The following PRPF38B variants were observed in gnomAD, a reference collection of about 807,000 sequenced individuals.
The protein encoded by PRPF38B is pre-mRNA-splicing factor 38B.
PRPF38B carries 18 observed loss-of-function variants against 67.2 expected under a neutral mutation model. The ratio of observed to expected loss-of-function variants is 0.27; its 90% CI spans 0.19 to 0.40. PRPF38B has a LOEUF of 0.40. PRPF38B is among the 10% of genes least tolerant of loss of function. The pLI is 1.00. For missense variants in PRPF38B, 544 were observed against 684.9 expected (o/e 0.79, Z 2.30); for synonymous variants, 246 against 234.2 (o/e 1.05, Z -0.46).
rs1026263374 is a variant in PRPF38B, at chr1:108,699,941, A to G, written c.1562A>G (p.Lys521Arg). 27 of 1,613,928 alleles carry G rather than the reference A, an allele frequency of 1.7e-5. No homozygotes were observed. Among genetic ancestry groups the G allele is most frequent in the Middle Eastern group, 1.6e-4 (1 of 6,082 alleles). Residue 521 changes from lysine (K) to arginine (R), a missense_variant, in exon 6 of 6, where the codon AAA (lysine) becomes AGA (arginine). Around this residue, in one of 5 missense-constraint regions of PRPF38B, gnomAD observed 387 missense variants for 386.1 expected, o/e 1.00. Coordinates refer to ENST00000370025, the MANE Select transcript of PRPF38B (RefSeq NM_018061.4). ...AGTGATAGTAAGGACCAGTCAGACAAACATGATCGTCGAAGGAGCCAAAGT... is the reference window on the plus strand; with the variant it reads ...AGTGATAGTAAGGACCAGTCAGACAGACATGATCGTCGAAGGAGCCAAAGT... ...DHSDSKDQSD[K>R]HDRRRSQSIE...
intron 4 of PRPF38B, chr1:108,697,925 T>C (rs1660060046): frequency 6.6e-6 from 1 of 152,220 alleles, no homozygotes; most frequent in African/African-American, 2.4e-5. Context: ...AATCTCACTT[T>C]CCTTGTGTGC....
At position 108,702,599 on chromosome 1, in the gene PRPF38B, A is replaced by G. The variant is rs1660621549; in HGVS notation, c.*2579A>G. On this transcript the variant is annotated 3_prime_UTR_variant, in exon 6 of 6. Transcript: ENST00000370025. ...CATCTCACATTTCTTGAAACATGAGAACATTTGGACACGAACATCACACGC... is the reference window on the plus strand; with the variant it reads ...CATCTCACATTTCTTGAAACATGAGGACATTTGGACACGAACATCACACGC... 6.6e-6 allele frequency among the ~76,000 whole-genome samples: 1 copy of G among 152,088 alleles called. No homozygotes were observed. The highest frequency in any genetic ancestry group is 1.5e-5 in the Non-Finnish European group (1 of 68,018).
rs1659828333 is a variant in PRPF38B at position 108,695,984 on chromosome 1, T to C, written c.346-59T>C. ...ATTGATACCTAACAGGATTAATCAA[T>C]TGGTGTTAAGAGTCCGTTAATTATT... is the stretch of plus-strand genomic sequence containing the variant. On this transcript the variant is annotated intron_variant, in intron 2 of 5. Transcript: ENST00000370025. 2.6e-6 allele frequency: 4 copies of C among 1,529,558 alleles called. No individual in the cohort carries two copies. In the South Asian group the frequency reaches 4.8e-5, roughly 18 times the overall value. 94.7% of individuals were successfully genotyped at this position (1,529,558 alleles called of 1,614,324 possible). A position where few individuals can be genotyped will look rare whatever the true frequency, so the allele number is the denominator to read the frequency against.
rs1169809951 is a variant in PRPF38B, at chr1:108,698,600, G to T, written c.559-4G>T. 6.3e-6 allele frequency: 10 copies of T among 1,591,880 alleles called. No individual in the cohort carries two copies. The highest frequency in any genetic ancestry group is 8.6e-6 in the Non-Finnish European group (10 of 1,162,602). On this transcript the variant is annotated splice_region_variant and splice_polypyrimidine_tract_variant and intron_variant, in intron 4 of 5. Coordinates refer to ENST00000370025, the MANE Select transcript of PRPF38B (RefSeq NM_018061.4). Reference sequence around the variant, plus strand: ...CGGCTAGGGTATCTTTTGTGTTTCTGTAGGACCTAGATGTGAAGGCTGGTG... The same window carrying T: ...CGGCTAGGGTATCTTTTGTGTTTCTTTAGGACCTAGATGTGAAGGCTGGTG...
rs778315230 is a variant in PRPF38B at position 108,700,047 on chromosome 1, T to A, written c.*27T>A. On this transcript the variant is annotated 3_prime_UTR_variant, in exon 6 of 6. Coordinates refer to ENST00000370025, the MANE Select transcript of PRPF38B (RefSeq NM_018061.4). The stretch of plus-strand genomic sequence containing the variant: ...AATATTTTGTAAAAGTGGATCACAT[T>A]GAATCCTATAAATGATTAAATCTGC... 6.4e-7 allele frequency: 1 copy of A among 1,561,748 alleles called. No homozygotes were observed. The highest frequency in any genetic ancestry group is 8.6e-7 in the Non-Finnish European group (1 of 1,160,160).
At position 108,701,241 on chromosome 1, in the gene PRPF38B, T is replaced by C. The variant is rs763034568; in HGVS notation, c.*1221T>C. The C allele has an allele frequency of 3.9e-5, 6 of 152,628 alleles. No individual in the cohort carries two copies. Among genetic ancestry groups the C allele is most frequent in the Admixed American group, 2.0e-4 (3 of 15,284 alleles). The allele number at this position is 152,628 out of a possible 1,614,324, so 9.5% of individuals were successfully genotyped here. A position where few individuals can be genotyped will look rare whatever the true frequency, so the allele number is the denominator to read the frequency against. ...AAATTTTTTTAGCATATTTATATTG[T>C]GGAAATTGATGAAACGTCAGTAGAG... On this transcript the variant is annotated 3_prime_UTR_variant, in exon 6 of 6. Transcript: ENST00000370025.
Position 108,695,786 on chromosome 1 carries a change from T to C in PRPF38B, c.345+16T>C. The C allele has an allele frequency of 6.2e-7, 1 of 1,611,366 alleles. No homozygotes were observed. The highest frequency in any genetic ancestry group is 8.5e-7 in the Non-Finnish European group (1 of 1,178,426). ...GTGCGGAGGGGTAAGTAGAAGTACGTGCATTTTTCAGTTTTTCTGTGTCTA... is the reference window on the plus strand; with the variant it reads ...GTGCGGAGGGGTAAGTAGAAGTACGCGCATTTTTCAGTTTTTCTGTGTCTA... On this transcript the variant is annotated intron_variant, in intron 2 of 5. Transcript: ENST00000370025.
chr1:108,698,435 T>C lies in PRPF38B; in HGVS notation c.559-169T>C, dbSNP rs573055753. ...TTTGTTCTCACTTGCATGCACACAC[T>C]AAGCCCAAATATTTCTGTTCATTCA... On this transcript the variant is annotated intron_variant, in intron 4 of 5. Coordinates refer to ENST00000370025, the MANE Select transcript of PRPF38B (RefSeq NM_018061.4). 3.0e-5 allele frequency: 18 copies of C among 590,544 alleles called. No individual in the cohort carries two copies. In the East Asian group the frequency reaches 5.1e-4, roughly 17 times the overall value. The allele number at this position is 590,544 out of a possible 1,614,324, so 36.6% of individuals were successfully genotyped here.
intron 1 of PRPF38B, among the ~76,000 whole-genome samples, chr1:108,695,150 C>G (rs958804684): frequency 5.3e-5 from 8 of 151,992 alleles, no homozygotes; most frequent in African/African-American, 1.9e-4. Context: ...ACAAGTAACT[C>G]GTTACTGTTT....
rs1397011201 is a variant in PRPF38B, at chr1:108,692,401, T to C, written c.-191T>C. Reference sequence around the variant, plus strand: ...GGAGTTCTCGCGGTCTGGGTTTCGCTGTCTGCTCTTGGCCCGGGGTCATTT... The same window carrying C: ...GGAGTTCTCGCGGTCTGGGTTTCGCCGTCTGCTCTTGGCCCGGGGTCATTT... On this transcript the variant is annotated 5_prime_UTR_variant, in exon 1 of 6. Coordinates refer to ENST00000370025, the MANE Select transcript of PRPF38B (RefSeq NM_018061.4). 7 of 645,398 alleles carry C rather than the reference T, an allele frequency of 1.1e-5. 1 individual carries two copies. Among genetic ancestry groups the C allele is most frequent in the Non-Finnish European group, 1.6e-5 (6 of 384,830 alleles). The allele number at this position is 645,398 out of a possible 1,614,324, so 40.0% of individuals were successfully genotyped here. A position where few individuals can be genotyped will look rare whatever the true frequency, so the allele number is the denominator to read the frequency against.
rs754544028 is a variant in PRPF38B at position 108,696,035 on chromosome 1, C to G, written c.346-8C>G. 7 of 1,610,980 alleles carry G rather than the reference C, an allele frequency of 4.3e-6. No individual in the cohort carries two copies. In the South Asian group the frequency reaches 6.6e-5, roughly 15 times the overall value. On this transcript the variant is annotated splice_polypyrimidine_tract_variant and splice_region_variant and intron_variant, in intron 2 of 5. Coordinates refer to ENST00000370025, the MANE Select transcript of PRPF38B (RefSeq NM_018061.4). ...TTACTACTTTTTCTTAACTCGTTTC[C>G]CCTAAAGGTTCGAGGTGTTGGAACA... is the stretch of plus-strand genomic sequence containing the variant.
At position 108,695,781 on chromosome 1, in the gene PRPF38B, G is replaced by A. The variant is rs1196629811; in HGVS notation, c.345+11G>A. The A allele has an allele frequency of 6.2e-7, 1 of 1,612,300 alleles. No individual in the cohort carries two copies. The highest frequency in any genetic ancestry group is 8.5e-7 in the Non-Finnish European group (1 of 1,179,034). ...GGGATGTGCGGAGGGGTAAGTAGAAGTACGTGCATTTTTCAGTTTTTCTGT... is the reference window on the plus strand; with the variant it reads ...GGGATGTGCGGAGGGGTAAGTAGAAATACGTGCATTTTTCAGTTTTTCTGT... On this transcript the variant is annotated intron_variant, in intron 2 of 5. Transcript: ENST00000370025.
At chr1:108,699,048 A>G (rs1024974573) in intron 5 of PRPF38B, 114 bp from the exon 6 acceptor site, 3 of 1,507,492 alleles carry the variant, frequency 2.0e-6, no homozygotes, top group Admixed American at 2.3e-5. Context: ...ATGATTCTTG[A>G]CATGGCCTTA....
chr1:108,693,702 C>A (rs1254051559), intron 1 of PRPF38B: 9 of 906,912 alleles, frequency 9.9e-6, no homozygotes, highest in Non-Finnish European at 1.1e-5. Context: ...AAATGAACGA[C>A]TAATTAGATT....
chr1:108,693,011 G>A (rs1659476509), intron 1 of PRPF38B, 144 bp downstream of exon 1: 1 of 1,068,284 alleles, frequency 9.4e-7, no homozygotes, highest in Non-Finnish European at 1.3e-6. Flanking sequence ...CCTGTAGTGT[G>A]TCTGGGAGGG....
rs373142207 is a variant in PRPF38B, at chr1:108,699,227, G to A, written c.848G>A (p.Arg283Gln). ...PRRSRSRSHH[R>Q]EGHGSSSFDR... Reference sequence around the variant, plus strand: ...AGGTCAAGAAGTAGAAGTCATCATCGGGAGGGCCATGGGTCTTCTAGTTTT... The same window carrying A: ...AGGTCAAGAAGTAGAAGTCATCATCAGGAGGGCCATGGGTCTTCTAGTTTT... Residue 283 changes from arginine to glutamine, a missense_variant, in exon 6 of 6, where the codon CGG becomes CAG. Arg to Gln is a conservative substitution (Grantham distance 43, BLOSUM62 1). This residue lies in a region of PRPF38B where 387 missense variants were observed against 386.1 expected (regional missense o/e 1.00). Transcript: ENST00000370025. 54 of 1,613,998 alleles carry A rather than the reference G, an allele frequency of 3.3e-5. No homozygotes were observed. Among genetic ancestry groups the A allele is most frequent in the African/African-American group, 2.8e-4 (21 of 74,884 alleles).
Position 108,693,363 on chromosome 1 carries a change from G to A in PRPF38B, c.276+496G>A, listed in dbSNP as rs1256890692. Among the ~76,000 whole-genome samples the A allele has an allele frequency of 2.0e-5, 3 of 152,156 alleles. No individual in the cohort carries two copies. The East Asian group carries it at 5.8e-4, about 29-fold the overall frequency. On this transcript the variant is annotated intron_variant, in intron 1 of 5. Transcript: ENST00000370025. ...GTGCGTGTGTGTCGGGTGGGGTGGG[G>A]GGATGAGGGTGGAGAGGTGCCATTT...
intron 3 of PRPF38B, 35 bp downstream of exon 3, chr1:108,696,229 T>C (rs778440166): frequency 6.2e-7 from 1 of 1,611,028 alleles, no homozygotes; most frequent in East Asian, 2.2e-5. Context: ...CCAGTAAATA[T>C]CTCATTTTAA....
chr1:108,696,757 T>G, intron 4 of PRPF38B: 1 of 717,032 alleles, frequency 1.4e-6, no homozygotes, highest in Non-Finnish European at 2.6e-6. Context: ...CCCTCTAGCT[T>G]CTTCCAAATA....
Sources: gnomAD v4.1 joint callset for allele counts (sites outside exome capture counted in the v4.1 genomes callset) on GRCh38, gnomAD v4.1.1 for gene constraint, gnomAD v4.1.1 regional missense constraint, MANE v1.5 for transcripts, NCBI Gene and HGNC (gene_info 2026-07-23, HGNC 2026-07-21) for gene names.